The following NDST4 variants were observed in gnomAD, a reference collection of about 807,000 sequenced individuals.
NDST4 encodes N-heparan sulfate sulfotransferase 4.
NDST4 carries 63 observed loss-of-function variants against 100.8 expected under a neutral mutation model. The ratio of observed to expected loss-of-function variants is 0.62; its 90% CI spans 0.51 to 0.77. NDST4 has a LOEUF of 0.77. Among genes scored for constraint, NDST4 ranks in the 30% least tolerant of loss-of-function variants. The probability of loss-of-function intolerance (pLI) is 0.00; values close to 1 mark genes in which losing one functional copy is unlikely to be tolerated. For missense variants in NDST4, 943 were observed against 1,018.4 expected, an observed-to-expected ratio of 0.93 and a Z score of 1.01; for synonymous variants, 377 against 361.8, an observed-to-expected ratio of 1.04 and a Z score of -0.48.
intron 2 of NDST4, among the ~76,000 whole-genome samples, chr4:114,998,541 C>G (rs1195596686): frequency 6.6e-6 from 1 of 151,982 alleles, no homozygotes; most frequent in African/African-American, 2.4e-5. Context: ...TAAAAGAAAA[C>G]AGATTCTGGG....
At chr4:114,968,225 A>T (rs902660911) in intron 4 of NDST4, among the ~76,000 whole-genome samples, 9 of 152,194 alleles carry the variant, frequency 5.9e-5, no homozygotes, top group African/African-American at 2.2e-4. Context: ...TATTAATTTG[A>T]CTTGCGCTAT....
intron 2 of NDST4, among the ~76,000 whole-genome samples, chr4:114,994,998 A>T (rs1205441507): frequency 6.6e-6 from 1 of 152,036 alleles, no homozygotes; most frequent in Non-Finnish European, 1.5e-5. Flanking sequence ...TGATTTATCA[A>T]TATTATAGAT....
intron 4 of NDST4, among the ~76,000 whole-genome samples, chr4:114,952,535 A>T (rs1475484988): frequency 6.6e-6 from 1 of 152,124 alleles, no homozygotes; most frequent in Non-Finnish European, 1.5e-5. Flanking sequence ...ACATGACAAG[A>T]AAAGCCATTT....
chr4:115,041,105 C>T (rs1450525677), intron 2 of NDST4, among the ~76,000 whole-genome samples: 1 of 152,014 alleles, frequency 6.6e-6, no homozygotes, highest in Non-Finnish European at 1.5e-5. Flanking sequence ...TTTCACAACC[C>T]CTAATGAATT....
intron 1 of NDST4, among the ~76,000 whole-genome samples, chr4:115,082,544 A>G (rs1236433414): frequency 6.6e-6 from 1 of 152,180 alleles, no homozygotes; most frequent in Non-Finnish European, 1.5e-5. Context: ...AGCTGTACAG[A>G]TCACTAAAGA....
intron 6 of NDST4, among the ~76,000 whole-genome samples, chr4:114,915,693 T>C (rs1725152963): frequency 6.6e-6 from 1 of 152,184 alleles, no homozygotes; most frequent in Admixed American, 6.5e-5. Context: ...TTGAAATCTA[T>C]CACTTTTATT....
chr4:115,106,173 C>T (rs1392423249), intron 1 of NDST4, among the ~76,000 whole-genome samples: 1 of 152,058 alleles, frequency 6.6e-6, no homozygotes, highest in Non-Finnish European at 1.5e-5. Flanking sequence ...TCATAGAAGA[C>T]TGCTATTAAC....
intron 1 of NDST4, among the ~76,000 whole-genome samples, chr4:115,107,803 T>C (rs1403743055): frequency 1.3e-5 from 2 of 152,066 alleles, no homozygotes; most frequent in East Asian, 3.9e-4. Context: ...ATGAACATTA[T>C]TGAGCAAAAG....
chr4:115,040,531 T>A (rs908771732), intron 2 of NDST4, among the ~76,000 whole-genome samples: 1 of 149,168 alleles, frequency 6.7e-6, no homozygotes, highest in African/African-American at 2.6e-5. Flanking sequence ...AGATACAAAA[T>A]ATGAGACAGA....
intron 2 of NDST4, among the ~76,000 whole-genome samples, chr4:115,065,122 T>C (rs1330743742): frequency 6.6e-6 from 1 of 152,148 alleles, no homozygotes; most frequent in Non-Finnish European, 1.5e-5. Context: ...TCAAATTCTG[T>C]CAATTCTACT....
At chr4:114,843,589 T>C (rs970063025) in intron 10 of NDST4, among the ~76,000 whole-genome samples, 5 of 152,192 alleles carry the variant, frequency 3.3e-5, no homozygotes, top group African/African-American at 1.2e-4. Context: ...TGCTCTTTTT[T>C]ACTGTCTTGC....
At chr4:114,857,071 G>A (rs1307259727) in intron 7 of NDST4, among the ~76,000 whole-genome samples, 1 of 152,148 alleles carries the variant, frequency 6.6e-6, no homozygotes, top group African/African-American at 2.4e-5. Flanking sequence ...TCACACTTGG[G>A]CTTTATATGC....
chr4:114,859,772 C>A (rs1041386531), intron 7 of NDST4, among the ~76,000 whole-genome samples: 5 of 152,338 alleles, frequency 3.3e-5, no homozygotes, highest in African/African-American at 4.8e-5. Flanking sequence ...TCTCTCCCTG[C>A]AGATCAGGTA....
chr4:115,108,326 G>C lies in NDST4; in HGVS notation c.-247+5118C>G, dbSNP rs183579986. Among the ~76,000 whole-genome samples, 559 of 152,074 alleles carry C rather than the reference G, an allele frequency of 3.7e-3. 1 individual carries two copies. Among genetic ancestry groups the C allele is most frequent in the Non-Finnish European group, 6.3e-3 (430 of 67,924 alleles). The stretch of plus-strand genomic sequence containing the variant: ...CAAGAAGAAGAAGAACTCTTTTGAG[G>C]TGTCTGATGAACTATGACAAATTCT... On this transcript the variant is annotated intron_variant, in intron 1 of 13. Transcript: ENST00000264363.
At chr4:114,937,565 T>G (rs1725657377) in intron 4 of NDST4, 62 bp from the exon 5 acceptor site, 1 of 1,315,874 alleles carries the variant, frequency 7.6e-7, no homozygotes, top group Admixed American at 2.4e-5. Flanking sequence ...TGAAAATCAT[T>G]TCCACCAACA....
chr4:114,974,940 C>A (rs1398923866), intron 3 of NDST4, among the ~76,000 whole-genome samples: 1 of 152,114 alleles, frequency 6.6e-6, no homozygotes, highest in Non-Finnish European at 1.5e-5. Flanking sequence ...ACTGGGAAAT[C>A]AGATCATTCT....
chr4:114,909,759 T>C lies in NDST4; in HGVS notation c.1536+25447A>G, dbSNP rs574683341. 1.0e-3 allele frequency among the ~76,000 whole-genome samples: 158 copies of C among 152,056 alleles called. 1 individual carries two copies. Among genetic ancestry groups the C allele is most frequent in the African/African-American group, 3.7e-3 (154 of 41,444 alleles). On this transcript the variant is annotated intron_variant, in intron 6 of 13. Coordinates refer to ENST00000264363, the MANE Select transcript of NDST4 (RefSeq NM_022569.3). ...GATTTATAAATTAAGATATCATCGG[T>C]TTCCTTGGGCAAACACTTATTGGTT...
In NDST4 at chr4:115,047,077, A is replaced by G. The variant is rs182683419; in HGVS notation, c.978+28982T>C. 3.3e-5 allele frequency among the ~76,000 whole-genome samples: 5 copies of G among 152,286 alleles called. No individual in the cohort carries two copies. The East Asian group carries it at 9.6e-4, about 29-fold the overall frequency. ...AAATTTTGCAAGATACAATGAACAA[A>G]ATCCACTGGAAAAAAAATACGATTT... On this transcript the variant is annotated intron_variant, in intron 2 of 13. Transcript: ENST00000264363.
intron 10 of NDST4, among the ~76,000 whole-genome samples, chr4:114,840,272 A>AC (rs1723398215): frequency 6.6e-6 from 1 of 152,168 alleles, no homozygotes; most frequent in Non-Finnish European, 1.5e-5. Flanking sequence ...CATTGGTCAA[A>AC]CAGGAAAGGG....
Sources: gnomAD v4.1 joint callset for allele counts (sites outside exome capture counted in the v4.1 genomes callset) on GRCh38, gnomAD v4.1.1 for gene constraint, MANE v1.5 for transcripts, NCBI Gene and HGNC (gene_info 2026-07-23, HGNC 2026-07-21) for gene names.